NFXL1: variants seen among roughly 807,000 people sequenced by gnomAD.
NFXL1 encodes nuclear transcription factor, X-box binding like 1, also known as NF-X1-type zinc finger protein NFXL1.
A neutral mutation model predicts 123.3 loss-of-function variants in NFXL1; 66 were observed. The observed-to-expected ratio is 0.54, with a 90% CI of 0.44 to 0.66. NFXL1 has a LOEUF of 0.66. Ranked by LOEUF, NFXL1 falls within the 30% of genes least tolerant of loss-of-function variation. NFXL1 has a pLI of 0.00. For missense variants in NFXL1, 944 were observed against 1,125.6 expected (o/e 0.84, Z 2.31); for synonymous variants, 346 against 360.8 (o/e 0.96, Z 0.46).
At chr4:47,878,411 G>T in intron 17 of NFXL1, 114 bp downstream of exon 17, 1 of 775,046 alleles carries the variant, frequency 1.3e-6, no homozygotes, top group African/African-American at 1.8e-5. Context: ...AGGGATGAGG[G>T]CAAAAAAAGA....
chr4:47,903,777 A>T (rs888429990), intron 4 of NFXL1, among the ~76,000 whole-genome samples: 22 of 152,180 alleles, frequency 1.4e-4, no homozygotes, highest in Non-Finnish European at 2.4e-4. Context: ...CTTTAAACAT[A>T]AATATGTACA....
At chr4:47,852,560 T>G (rs1198642749) in intron 20 of NFXL1, among the ~76,000 whole-genome samples, 1 of 152,158 alleles carries the variant, frequency 6.6e-6, no homozygotes, top group Non-Finnish European at 1.5e-5. Flanking sequence ...TTAAACTTTT[T>G]TTAAGTTTAG....
At chr4:47,861,018 A>T (rs1237147902) in intron 19 of NFXL1, among the ~76,000 whole-genome samples, 1 of 145,020 alleles carries the variant, frequency 6.9e-6, no homozygotes, top group Non-Finnish European at 1.5e-5. Context: ...ACGTCAGGCT[A>T]TTTTTTTTTT....
At chr4:47,890,278 C>A (rs1578026452) in intron 12 of NFXL1, among the ~76,000 whole-genome samples, 2 of 151,838 alleles carry the variant, frequency 1.3e-5, no homozygotes, top group South Asian at 2.1e-4. Context: ...GCTATGAACA[C>A]CTTCATTGAT....
At chr4:47,856,239 G>T (rs1734403818) in intron 19 of NFXL1, among the ~76,000 whole-genome samples, 1 of 152,112 alleles carries the variant, frequency 6.6e-6, no homozygotes, top group Non-Finnish European at 1.5e-5. Context: ...AATTTCACAT[G>T]TAAAAGAGTA....
At chr4:47,898,118 A>C in intron 8 of NFXL1, 37 bp from the exon 9 acceptor site, 1 of 1,310,920 alleles carries the variant, frequency 7.6e-7, no homozygotes, top group South Asian at 1.3e-5. Context: ...TGAAGGATTT[A>C]AAAGTTAACA....
intron 17 of NFXL1, among the ~76,000 whole-genome samples, chr4:47,876,656 T>C (rs1735772950): frequency 1.3e-5 from 2 of 152,252 alleles, no homozygotes; most frequent in South Asian, 4.1e-4. Flanking sequence ...AGAAAGATGA[T>C]ACTTGATTTA....
At chr4:47,883,632 G>A (rs747747969) in intron 15 of NFXL1, among the ~76,000 whole-genome samples, 25 of 152,104 alleles carry the variant, frequency 1.6e-4, no homozygotes, top group Non-Finnish European at 3.4e-4. Flanking sequence ...AAATATACAT[G>A]CTATTTCAAC....
chr4:47,894,442 T>C (rs1736958691), intron 10 of NFXL1, 140 bp from the exon 11 acceptor site: 2 of 503,216 alleles, frequency 4.0e-6, no homozygotes, highest in South Asian at 4.8e-5. Flanking sequence ...CAAAAACCAA[T>C]TTGAATTTCC....
intron 1 of NFXL1, 51 bp from the exon 2 acceptor site, chr4:47,914,256 G>T: frequency 2.2e-6 from 3 of 1,360,074 alleles, no homozygotes; most frequent in Non-Finnish European, 2.9e-6. Context: ...AGCGCAGCGA[G>T]GACCGAGGCG....
At chr4:47,879,273 CTGATTTCCTATATAGTAGCAA>C (rs1214811380) in intron 15 of NFXL1, among the ~76,000 whole-genome samples, 156 bp from the exon 16 acceptor site, 1 of 151,996 alleles carries the variant, frequency 6.6e-6, no homozygotes, top group Non-Finnish European at 1.5e-5. Flanking sequence ...CAAAGGTCAA[CTGATTTCCTATATAGTAGCAA>C]TGAGCAATTA....
intron 12 of NFXL1, among the ~76,000 whole-genome samples, chr4:47,890,125 A>G (rs1317317325): frequency 6.6e-6 from 1 of 152,072 alleles, no homozygotes; most frequent in Non-Finnish European, 1.5e-5. Flanking sequence ...ACATTAACAA[A>G]AGCCCTTTGG....
At chr4:47,910,209 T>C (rs1015306813) in intron 3 of NFXL1, among the ~76,000 whole-genome samples, 16 of 151,952 alleles carry the variant, frequency 1.1e-4, no homozygotes, top group African/African-American at 3.9e-4. Flanking sequence ...CTAGGTGCAG[T>C]GCACATGCCT....
intron 18 of NFXL1, 109 bp from the exon 19 acceptor site, chr4:47,863,024 T>C: frequency 1.5e-6 from 1 of 668,906 alleles, no homozygotes; most frequent in Non-Finnish European, 2.6e-6. Context: ...TCTTTTTTCC[T>C]CAAGAAATAC....
intron 2 of NFXL1, 38 bp downstream of exon 2, chr4:47,913,931 G>A: frequency 1.4e-6 from 2 of 1,447,742 alleles, no homozygotes; most frequent in Non-Finnish European, 1.9e-6. Context: ...TGCCTTAGGA[G>A]GCATCCAGGT....
chr4:47,879,143 G>A, intron 15 of NFXL1, 26 bp from the exon 16 acceptor site: 6 of 1,080,570 alleles, frequency 5.6e-6, no homozygotes, highest in Non-Finnish European at 6.5e-6. Context: ...AAAATAAAAT[G>A]AAAACATTAC....
At chr4:47,898,143 A>G in intron 8 of NFXL1, 62 bp from the exon 9 acceptor site, 1 of 950,944 alleles carries the variant, frequency 1.1e-6, no homozygotes, top group Non-Finnish European at 1.6e-6. Flanking sequence ...AAGACTTCAT[A>G]CAAGACACAA....
intron 22 of NFXL1, among the ~76,000 whole-genome samples, chr4:47,850,015 A>C (rs933086361): frequency 6.6e-6 from 1 of 151,834 alleles, no homozygotes; most frequent in East Asian, 1.9e-4. Flanking sequence ...GAATTCACAG[A>C]TGCAGAACCT....
rs558663648 is a variant in NFXL1, at chr4:47,903,695, C to T, written c.517-372G>A. Among the ~76,000 whole-genome samples, 14 of 152,132 alleles carry T rather than the reference C, an allele frequency of 9.2e-5. No individual in the cohort carries two copies. The South Asian group carries it at 2.7e-3, about 29-fold the overall frequency. ...AGCATATTTATAGCTATACATTACA[C>T]CATGTAGACTTACGTACTTAAATTT... On this transcript the variant is annotated intron_variant, in intron 4 of 22. Coordinates refer to ENST00000507489, the MANE Select transcript of NFXL1 (RefSeq NM_001278624.2).
Sources: allele counts gnomAD v4.1 joint callset (sites outside exome capture counted in the v4.1 genomes callset), GRCh38; gene constraint gnomAD v4.1.1; transcripts MANE v1.5; gene names NCBI Gene and HGNC (gene_info 2026-07-23, HGNC 2026-07-21).